Variants in GPC6 observed in about 807,000 individuals in gnomAD.
GPC6 encodes the protein glypican-6.
In GPC6, 14 loss-of-function variants were observed where a neutral mutation model predicts 55.2. The observed-to-expected ratio is 0.25, with a 90% CI of 0.17 to 0.40. GPC6 has a LOEUF of 0.40. GPC6 is among the 10% of genes least tolerant of loss of function. The pLI is 1.00. For synonymous variants in GPC6, 278 were observed against 259.6 expected, an observed-to-expected ratio of 1.07 and a Z score of -0.68; for missense variants, 641 against 708.5, an observed-to-expected ratio of 0.90 and a Z score of 1.08.
chr13:93,379,181 G>A (rs1315438778), intron 1 of GPC6, among the ~76,000 whole-genome samples: 1 of 152,058 alleles, frequency 6.6e-6, no homozygotes, highest in South Asian at 2.1e-4. Flanking sequence ...AGCTTCTTAA[G>A]TAGCTAGGAC....
chr13:93,660,621 T>G (rs1299688663), intron 2 of GPC6, among the ~76,000 whole-genome samples: 2 of 152,230 alleles, frequency 1.3e-5, no homozygotes, highest in South Asian at 4.1e-4. Flanking sequence ...TTGTAGTCTT[T>G]GCATACAATT....
chr13:93,611,991 T>C (rs1051262199), intron 2 of GPC6, among the ~76,000 whole-genome samples: 3 of 152,134 alleles, frequency 2.0e-5, no homozygotes, highest in African/African-American at 7.2e-5. Flanking sequence ...CCAGAGTAGC[T>C]ACAAACATAA....
chr13:94,225,647 T>G (rs1295052797), intron 4 of GPC6, among the ~76,000 whole-genome samples: 1 of 140,212 alleles, frequency 7.1e-6, no homozygotes, highest in Non-Finnish European at 1.5e-5. Flanking sequence ...GGTATATATA[T>G]ATGTGTGTGT....
At chr13:93,943,071 G>A (rs964279292) in intron 3 of GPC6, among the ~76,000 whole-genome samples, 5 of 152,074 alleles carry the variant, frequency 3.3e-5, no homozygotes, top group African/African-American at 1.2e-4. Context: ...CTTTTCAATA[G>A]CACTTTATTG....
At chr13:93,357,236 C>T (rs1037191586) in intron 1 of GPC6, among the ~76,000 whole-genome samples, 15 of 152,128 alleles carry the variant, frequency 9.9e-5, no homozygotes, top group African/African-American at 3.6e-4. Context: ...TTATTCGCTG[C>T]AGGTTATGTT....
At chr13:93,913,483 TTTTTGTTTTG>T (rs551338142) in intron 3 of GPC6, among the ~76,000 whole-genome samples, 1 of 152,186 alleles carries the variant, frequency 6.6e-6, no homozygotes, top group African/African-American at 2.4e-5. Flanking sequence ...CAATGTTGGT[TTTTTGTTTTG>T]TTTTGTTTTG....
intron 4 of GPC6, among the ~76,000 whole-genome samples, chr13:94,203,727 C>A (rs561020085): frequency 1.3e-5 from 2 of 152,072 alleles, no homozygotes; most frequent in Non-Finnish European, 2.9e-5. Flanking sequence ...TTCTTTACTT[C>A]GAAAATTCTC....
In GPC6 at chr13:93,565,917, G is replaced by A. The variant is rs142997821; in HGVS notation, c.319+20496G>A. 7.8e-3 allele frequency among the ~76,000 whole-genome samples: 1,048 copies of A among 134,690 alleles called. 14 individuals are homozygous for A. The highest frequency in any genetic ancestry group is 0.028 in the African/African-American group (991 of 35,772). 88.4% of individuals were successfully genotyped at this position (134,690 alleles called of 152,430 possible). A position where few individuals can be genotyped will look rare whatever the true frequency, so the allele number is the denominator to read the frequency against. On this transcript the variant is annotated intron_variant, in intron 2 of 8. Transcript: ENST00000377047. ...AGCCTGGGTGACAGGGTGAGACTCT[G>A]TCTCAAAACAAACAAACAAAAAAAA...
chr13:94,258,006 A>G (rs2139046044), intron 4 of GPC6, among the ~76,000 whole-genome samples: 1 of 152,348 alleles, frequency 6.6e-6, no homozygotes, highest in African/African-American at 2.4e-5. Context: ...GTTATTGCAA[A>G]GAATATGAAA....
chr13:93,910,577 C>T (rs906950046), intron 3 of GPC6, among the ~76,000 whole-genome samples: 4 of 151,976 alleles, frequency 2.6e-5, no homozygotes, highest in Non-Finnish European at 5.9e-5. Context: ...TTTTTATCCA[C>T]GGTTTATCAC....
At chr13:93,850,195 G>T (rs1056244888) in intron 3 of GPC6, among the ~76,000 whole-genome samples, 5 of 151,920 alleles carry the variant, frequency 3.3e-5, no homozygotes, top group African/African-American at 1.2e-4. Flanking sequence ...AAACACCAGT[G>T]CATATGTTTA....
At chr13:93,605,059 C>CT (rs1294174521) in intron 2 of GPC6, among the ~76,000 whole-genome samples, 4 of 152,006 alleles carry the variant, frequency 2.6e-5, no homozygotes, top group East Asian at 1.9e-4. Flanking sequence ...GGATCCCTAC[C>CT]TTTTTTTTGT....
In GPC6 at chr13:94,305,930, A is replaced by G. The variant is rs377292545; in HGVS notation, c.1009-50A>G. On this transcript the variant is annotated intron_variant, in intron 5 of 8. Transcript: ENST00000377047. ...TTGCACATTTCTGCTTCATGAATTT[A>G]GGAGAAAACTCATTGTATAGCTGTT... 3.0e-5 allele frequency: 47 copies of G among 1,572,022 alleles called. No individual in the cohort carries two copies. In the African/African-American group the frequency reaches 5.3e-4, roughly 18 times the overall value.
At chr13:93,543,645 A>G (rs994811693) in intron 1 of GPC6, among the ~76,000 whole-genome samples, 3 of 152,150 alleles carry the variant, frequency 2.0e-5, no homozygotes, top group African/African-American at 7.2e-5. Context: ...CTGTGAATCC[A>G]TCGGGATATC....
chr13:93,949,149 A>T (rs999099357), intron 3 of GPC6, among the ~76,000 whole-genome samples: 23 of 152,212 alleles, frequency 1.5e-4, no homozygotes, highest in African/African-American at 5.3e-4. Flanking sequence ...TAACACCTCC[A>T]AATTAGTCCT....
In GPC6 at chr13:93,812,550, A is replaced by G. The variant is rs531927560; in HGVS notation, c.320-17604A>G. 2.6e-5 allele frequency among the ~76,000 whole-genome samples: 4 copies of G among 152,320 alleles called. No individual in the cohort carries two copies. The South Asian group carries it at 8.3e-4, about 32-fold the overall frequency. ...ATCAAGGATATCACATAACTAACAC[A>G]TTCCACCTGCTTTTGTTGCCAAATG... On this transcript the variant is annotated intron_variant, in intron 2 of 8. Transcript: ENST00000377047.
intron 2 of GPC6, among the ~76,000 whole-genome samples, chr13:93,762,240 T>C (rs1884979582): frequency 1.3e-5 from 2 of 152,158 alleles, no homozygotes; most frequent in African/African-American, 4.8e-5. Context: ...GGCCAAACAA[T>C]AAGAAAATTA....
chr13:93,283,760 T>C (rs1213840397), intron 1 of GPC6, among the ~76,000 whole-genome samples: 1 of 152,230 alleles, frequency 6.6e-6, no homozygotes, highest in Non-Finnish European at 1.5e-5. Flanking sequence ...AGACCTTATA[T>C]ATGTTTTCAT....
intron 1 of GPC6, among the ~76,000 whole-genome samples, chr13:93,500,000 C>T (rs1880460952): frequency 6.6e-6 from 1 of 152,210 alleles, no homozygotes. Context: ...TCAAGGCTCA[C>T]TTGGCCCGTT....
Sources: gnomAD v4.1 joint callset for allele counts (sites outside exome capture counted in the v4.1 genomes callset) on GRCh38, gnomAD v4.1.1 for gene constraint, MANE v1.5 for transcripts, NCBI Gene and HGNC (gene_info 2026-07-23, HGNC 2026-07-21) for gene names.